The following FRMD4B variants were observed in gnomAD, a reference collection of about 807,000 sequenced individuals.
FRMD4B encodes FERM domain-containing protein 4B.
In FRMD4B, 74 loss-of-function variants were observed where a neutral mutation model predicts 141.5. That is an observed-to-expected ratio of 0.52 (90% confidence interval 0.43 to 0.63). The LOEUF is 0.63. Among genes scored for constraint, FRMD4B ranks in the 30% least tolerant of loss-of-function variants. The pLI, the probability that FRMD4B is intolerant of heterozygous loss-of-function variation, is 0.00. For missense variants in FRMD4B, 1,366 were observed against 1,253.4 expected, an observed-to-expected ratio of 1.09 and a Z score of -1.36; for synonymous variants, 506 against 467.9, an observed-to-expected ratio of 1.08 and a Z score of -1.05.
At chr3:69,428,868 C>T (rs138212749) in intron 2 of FRMD4B, among the ~76,000 whole-genome samples, 1 of 152,292 alleles carries the variant, frequency 6.6e-6, no homozygotes, top group African/African-American at 2.4e-5. Flanking sequence ...CCCTACAGCT[C>T]TTGGCAACCA....
intron 1 of FRMD4B, among the ~76,000 whole-genome samples, chr3:69,439,400 G>A (rs1705310403): frequency 1.3e-5 from 2 of 152,344 alleles, no homozygotes; most frequent in South Asian, 2.1e-4. Context: ...TGGCAGTACT[G>A]TGTGGGTATA....
chr3:69,253,183 A>ATTTTTTTTTTTTTT (rs5849890), intron 5 of FRMD4B, among the ~76,000 whole-genome samples: 2 of 129,876 alleles, frequency 1.5e-5, no homozygotes, highest in African/African-American at 6.0e-5. Context: ...TATGATTCCT[A>ATTTTTTTTTTTTTT]TTTTTTTTTT....
intron 7 of FRMD4B, among the ~76,000 whole-genome samples, chr3:69,237,322 ACCT>A (rs552188802): frequency 4.6e-4 from 70 of 152,342 alleles, no homozygotes; most frequent in Middle Eastern, 3.4e-3. Context: ...TTTCCTCCCT[ACCT>A]TTAAACCTTT....
chr3:69,429,165 A>G (rs1705135984), intron 2 of FRMD4B, among the ~76,000 whole-genome samples: 1 of 152,170 alleles, frequency 6.6e-6, no homozygotes, highest in Non-Finnish European at 1.5e-5. Flanking sequence ...CCTATCAACA[A>G]CCATACAAAT....
At chr3:69,393,649 T>G (rs965378100) in intron 2 of FRMD4B, among the ~76,000 whole-genome samples, 1 of 152,226 alleles carries the variant, frequency 6.6e-6, no homozygotes, top group Non-Finnish European at 1.5e-5. Context: ...TAAAAATTGG[T>G]CTATATAGCA....
chr3:69,389,926 TAAG>T (rs1436056708), upstream of FRMD4B, among the ~76,000 whole-genome samples: 124 of 152,162 alleles, frequency 8.1e-4, 1 homozygote, highest in African/African-American at 2.8e-3. Flanking sequence ...TTTTTTAATT[TAAG>T]AAGAGGATTT....
intron 1 of FRMD4B, among the ~76,000 whole-genome samples, chr3:69,434,663 C>T (rs1184134797): frequency 6.6e-6 from 1 of 152,056 alleles, no homozygotes; most frequent in African/African-American, 2.4e-5. Context: ...TACGAACACA[C>T]CAAATATGCA....
upstream of FRMD4B, among the ~76,000 whole-genome samples, chr3:69,388,200 T>C (rs2106712821): frequency 1.3e-5 from 2 of 152,266 alleles, 1 homozygote; most frequent in South Asian, 4.2e-4. Flanking sequence ...GACACCATCC[T>C]CTCAGAAGAG....
rs767916177 is a variant in FRMD4B at position 69,233,951 on chromosome 3, C to T, written c.582-9261G>A. The stretch of plus-strand genomic sequence containing the variant: ...ACAGGATTAGTGATCATAGCAGCTA[C>T]AAAAGTTTATTTAGGCCAGGCGTAG... On this transcript the variant is annotated intron_variant, in intron 7 of 22. Transcript: ENST00000398540. Among the ~76,000 whole-genome samples the T allele has an allele frequency of 1.2e-3, 175 of 152,060 alleles. 1 individual carries two copies. The highest frequency in any genetic ancestry group is 2.0e-3 in the Non-Finnish European group (136 of 68,030).
At chr3:69,443,603 G>A (rs893516810) in intron 1 of FRMD4B, among the ~76,000 whole-genome samples, 22 of 152,134 alleles carry the variant, frequency 1.4e-4, no homozygotes, top group Non-Finnish European at 2.8e-4. Context: ...CTTAACCTGT[G>A]AGGCCAAAAC....
chr3:69,425,951 C>T (rs762595010), intron 2 of FRMD4B, among the ~76,000 whole-genome samples: 19 of 152,094 alleles, frequency 1.2e-4, no homozygotes, highest in Non-Finnish European at 2.4e-4. Flanking sequence ...AGAAATGAAC[C>T]GTCAGGTGAT....
chr3:69,478,889 C>A (rs1323114554), intron 1 of FRMD4B, among the ~76,000 whole-genome samples: 1 of 151,378 alleles, frequency 6.6e-6, no homozygotes, highest in Non-Finnish European at 1.5e-5. Flanking sequence ...CTGGGTGCTC[C>A]TGTATTGGGT....
chr3:69,477,948 C>G (rs1276820914), intron 1 of FRMD4B, among the ~76,000 whole-genome samples: 5 of 151,434 alleles, frequency 3.3e-5, no homozygotes, highest in African/African-American at 1.2e-4. Flanking sequence ...TGTATGTGTC[C>G]AGGAATTTAT....
At chr3:69,232,464 A>G (rs1470156237) in intron 7 of FRMD4B, among the ~76,000 whole-genome samples, 1 of 152,150 alleles carries the variant, frequency 6.6e-6, no homozygotes, top group Non-Finnish European at 1.5e-5. Flanking sequence ...ATGACCCACT[A>G]TTTAGCTACT....
chr3:69,470,287 A>T (rs1037018186), intron 1 of FRMD4B, among the ~76,000 whole-genome samples: 2 of 152,202 alleles, frequency 1.3e-5, no homozygotes, highest in Non-Finnish European at 2.9e-5. Flanking sequence ...AAGCATACTC[A>T]TGATGAGTTT....
intron 1 of FRMD4B, among the ~76,000 whole-genome samples, chr3:69,540,467 A>C (rs1023471888): frequency 4.0e-5 from 6 of 150,316 alleles, no homozygotes; most frequent in African/African-American, 1.5e-4. Flanking sequence ...ACAAAAAATT[A>C]GCCAGGCGTG....
chr3:69,207,218 T>C (rs935835682), intron 11 of FRMD4B, among the ~76,000 whole-genome samples: 9 of 151,620 alleles, frequency 5.9e-5, no homozygotes, highest in African/African-American at 2.2e-4. Flanking sequence ...GGTGGGAGGA[T>C]TGCTTGAACT....
intron 11 of FRMD4B, among the ~76,000 whole-genome samples, chr3:69,207,479 C>T (rs189128074): frequency 2.8e-4 from 42 of 152,190 alleles, no homozygotes; most frequent in Admixed American, 1.0e-3. Flanking sequence ...AACAGTTCAA[C>T]CATGTGGTAA....
At chr3:69,212,381 G>GAAAAAAAAAAAAAAAAAAAAAAAA (rs61444871) in intron 11 of FRMD4B, among the ~76,000 whole-genome samples, 2 of 95,598 alleles carry the variant, frequency 2.1e-5, no homozygotes, top group African/African-American at 8.1e-5. Context: ...AAAAAAAAAA[G>GAAAAAAAAAAAAAAAAAAAAAAAA]AAAAAAAAAA....
Sources: allele counts gnomAD v4.1 joint callset (sites outside exome capture counted in the v4.1 genomes callset), GRCh38; gene constraint gnomAD v4.1.1; transcripts MANE v1.5; gene names NCBI Gene and HGNC (gene_info 2026-07-23, HGNC 2026-07-21).